The following FAM13C variants were observed in gnomAD, a reference collection of about 807,000 sequenced individuals.
FAM13C encodes the protein protein FAM13C.
In FAM13C, 37 loss-of-function variants were observed where a neutral mutation model predicts 73.2. That is an observed-to-expected ratio of 0.51 (90% CI 0.39 to 0.67). The LOEUF is 0.67. Ranked by LOEUF, FAM13C falls within the 30% of genes least tolerant of loss-of-function variation. FAM13C has a pLI of 0.00. For synonymous variants in FAM13C, 246 were observed against 260.9 expected (o/e 0.94, Z 0.55); for missense variants, 589 against 715.6 (o/e 0.82, Z 2.02).
Position 59,347,518 on chromosome 10 carries a change from A to AT in FAM13C, c.324+4751dup, listed in dbSNP as rs35964507. On this transcript the variant is annotated intron_variant, in intron 3 of 13. Transcript: ENST00000618804. ...GGCTCCTTTTATCTGCCCCACACCT[A>AT]TTTTTTTTTTTAATTTTTTACTATT... 9.8e-3 allele frequency among the ~76,000 whole-genome samples: 1,465 copies of AT among 150,246 alleles called. 26 individuals carry two copies. Among genetic ancestry groups the AT allele is most frequent in the African/African-American group, 0.031 (1,273 of 40,826 alleles).
chr10:59,338,532 G>A (rs529615571), intron 3 of FAM13C, among the ~76,000 whole-genome samples: 13 of 152,250 alleles, frequency 8.5e-5, no homozygotes, highest in South Asian at 2.1e-4. Context: ...TGCACAAAGC[G>A]TCAACTACAT....
At chr10:59,331,323 G>A (rs1390345346) in intron 3 of FAM13C, among the ~76,000 whole-genome samples, 1 of 152,174 alleles carries the variant, frequency 6.6e-6, no homozygotes, top group Non-Finnish European at 1.5e-5. Flanking sequence ...AACATCAACT[G>A]GAGGAAACAG....
At chr10:59,258,293 G>A (rs1842136291) in intron 10 of FAM13C, among the ~76,000 whole-genome samples, 1 of 152,064 alleles carries the variant, frequency 6.6e-6, no homozygotes, top group Non-Finnish European at 1.5e-5. Context: ...AGACCAGCCT[G>A]GGCAAAAGTG....
chr10:59,280,971 T>C (rs542360945), intron 6 of FAM13C, among the ~76,000 whole-genome samples: 3 of 152,344 alleles, frequency 2.0e-5, no homozygotes, highest in African/African-American at 7.2e-5. Flanking sequence ...TCATATCACA[T>C]GTTCAAATCC....
intron 9 of FAM13C, among the ~76,000 whole-genome samples, chr10:59,263,668 TG>T (rs962771457): frequency 6.6e-6 from 1 of 152,188 alleles, no homozygotes; most frequent in Non-Finnish European, 1.5e-5. Context: ...ATTCTACACC[TG>T]GCCCACCACC....
chr10:59,272,779 T>C (rs1038119245), intron 6 of FAM13C, among the ~76,000 whole-genome samples: 4 of 152,154 alleles, frequency 2.6e-5, no homozygotes, highest in Non-Finnish European at 5.9e-5. Context: ...AGACACTCTC[T>C]ACAACATTGT....
In FAM13C at chr10:59,269,977, G is replaced by A; in HGVS notation, c.725C>T (p.Ser242Phe). The A allele has an allele frequency of 6.2e-7, 1 of 1,614,002 alleles. No individual in the cohort carries two copies. Among genetic ancestry groups the A allele is most frequent in the Non-Finnish European group, 8.5e-7 (1 of 1,179,906 alleles). ...GDNPLLSPRCSIFSQSQRFNL... is the reference protein window; with the variant it reads ...GDNPLLSPRCFIFSQSQRFNL... The stretch of plus-strand genomic sequence containing the variant: ...GAATCTCTGGCTTTGGCTGAAGATG[G>A]AGCATCGTGGCGACAGCAGTGGGTT... The change falls in exon 7 of 14, where the codon TCC becomes TTC. Residue 242 changes from serine to phenylalanine, a missense_variant. Transcript: ENST00000618804.
At chr10:59,346,812 C>T (rs554709389) in intron 3 of FAM13C, among the ~76,000 whole-genome samples, 1 of 152,318 alleles carries the variant, frequency 6.6e-6, no homozygotes, top group Non-Finnish European at 1.5e-5. Flanking sequence ...TTTTCACAAA[C>T]TATTACAACA....
intron 3 of FAM13C, among the ~76,000 whole-genome samples, chr10:59,332,431 G>T (rs2134109974): frequency 6.6e-6 from 1 of 152,232 alleles, no homozygotes; most frequent in East Asian, 1.9e-4. Flanking sequence ...AGAAGACCAA[G>T]AAAGAGAAAT....
chr10:59,357,607 G>C (rs984248215), intron 1 of FAM13C, among the ~76,000 whole-genome samples: 2 of 152,200 alleles, frequency 1.3e-5, no homozygotes, highest in Non-Finnish European at 2.9e-5. Context: ...GGACAGACCA[G>C]TTTGTTTTTT....
chr10:59,268,810 T>C, intron 7 of FAM13C, 119 bp from the exon 8 acceptor site: 1 of 1,200,194 alleles, frequency 8.3e-7, no homozygotes, highest in Non-Finnish European at 1.1e-6. Flanking sequence ...AAGTTCATTA[T>C]TTGATGAGGC....
At chr10:59,301,731 T>C (rs902333639) in intron 5 of FAM13C, among the ~76,000 whole-genome samples, 8 of 152,212 alleles carry the variant, frequency 5.3e-5, no homozygotes, top group African/African-American at 1.9e-4. Flanking sequence ...TCTTAAACTC[T>C]TTTTCACTCA....
intron 3 of FAM13C, among the ~76,000 whole-genome samples, chr10:59,348,264 C>T (rs1215469659): frequency 7.2e-5 from 11 of 152,174 alleles, no homozygotes; most frequent in Admixed American, 7.2e-4. Flanking sequence ...TTGATGATGG[C>T]AGCAAGCATC....
rs371975898 is a variant in FAM13C at position 59,265,286 on chromosome 10, C to T, written c.943-1120G>A. 2.6e-3 allele frequency among the ~76,000 whole-genome samples: 224 copies of T among 87,110 alleles called. 2 individuals are homozygous for T. The highest frequency in any genetic ancestry group is 9.4e-3 in the African/African-American group (214 of 22,650). 57.1% of individuals were successfully genotyped at this position (87,110 alleles called of 152,430 possible). On this transcript the variant is annotated intron_variant, in intron 8 of 13. Coordinates refer to ENST00000618804, the MANE Select transcript of FAM13C (RefSeq NM_198215.4). Reference sequence around the variant, plus strand: ...GAGCTTGAATAGCAGACTGGTTTCCCTGAGGGATGGCAGAGGGATAGGGAA... The same window carrying T: ...GAGCTTGAATAGCAGACTGGTTTCCTTGAGGGATGGCAGAGGGATAGGGAA...
At position 59,360,799 on chromosome 10, in the gene FAM13C, G is replaced by A. The variant is rs570891610; in HGVS notation, c.62+1600C>T. The stretch of plus-strand genomic sequence containing the variant: ...ATGCAATCAGAACTCCTTGGGGAGT[G>A]TCCAAAGACAAGGCACCAGGCTCTC... On this transcript the variant is annotated intron_variant, in intron 1 of 13. Coordinates refer to ENST00000618804, the MANE Select transcript of FAM13C (RefSeq NM_198215.4). Among the ~76,000 whole-genome samples, 16 of 143,352 alleles carry A rather than the reference G, an allele frequency of 1.1e-4. No homozygotes were observed. In the South Asian group the frequency reaches 3.7e-3, roughly 33 times the overall value. The allele number at this position is 143,352 out of a possible 152,430, so 94.0% of individuals were successfully genotyped here. A position where few individuals can be genotyped will look rare whatever the true frequency, so the allele number is the denominator to read the frequency against.
chr10:59,278,264 A>G (rs1316105760), intron 6 of FAM13C, among the ~76,000 whole-genome samples: 5 of 152,180 alleles, frequency 3.3e-5, no homozygotes, highest in African/African-American at 1.2e-4. Context: ...AAGCCAAACC[A>G]TATCACCAGT....
chr10:59,265,335 G>GGGGGGGGGAA (rs78422182), intron 8 of FAM13C, among the ~76,000 whole-genome samples: 3 of 16,060 alleles, frequency 1.9e-4, no homozygotes, highest in East Asian at 1.2e-3. Flanking sequence ...GGGGGGGGGG[G>GGGGGGGGGAA]AATCCTGGTT....
chr10:59,361,099 C>T (rs931900973), intron 1 of FAM13C: 3 of 1,289,282 alleles, frequency 2.3e-6, no homozygotes, highest in Admixed American at 4.6e-5. Context: ...CCTCTCTCCC[C>T]TTCTCTCAGG....
At chr10:59,249,888 T>G (rs1053198292) in intron 13 of FAM13C, among the ~76,000 whole-genome samples, 4 of 152,296 alleles carry the variant, frequency 2.6e-5, no homozygotes, top group African/African-American at 9.6e-5. Context: ...CTAACTTCCC[T>G]GTATGTATGA....
Sources: gnomAD v4.1 joint callset for allele counts (sites outside exome capture counted in the v4.1 genomes callset) on GRCh38, gnomAD v4.1.1 for gene constraint, MANE v1.5 for transcripts, NCBI Gene and HGNC (gene_info 2026-07-23, HGNC 2026-07-21) for gene names.